The following SLC45A4 variants were observed in gnomAD, a reference collection of about 807,000 sequenced individuals.
SLC45A4 encodes the protein solute carrier family 45 member 4, also known as polyamine-transporter SLC45A4.
Under a neutral mutation model 63.7 loss-of-function variants are expected in SLC45A4, and 32 were observed. The observed-to-expected ratio is 0.50, with a 90% CI of 0.38 to 0.67. The LOEUF (loss-of-function observed/expected upper bound fraction) is 0.67, where lower values mean the gene tolerates loss of function less well. SLC45A4 is among the 30% of genes least tolerant of loss of function. The pLI, the probability that SLC45A4 is intolerant of heterozygous loss-of-function variation, is 0.00. For missense variants in SLC45A4, 1,027 were observed against 1,157.7 expected (o/e 0.89, Z 1.64); for synonymous variants, 535 against 510.0 (o/e 1.05, Z -0.66).
intron 2 of SLC45A4, among the ~76,000 whole-genome samples, chr8:141,240,200 G>T (rs746643725): frequency 2.4e-4 from 37 of 152,336 alleles, no homozygotes; most frequent in Middle Eastern, 3.4e-3. Flanking sequence ...TAAATCTGCA[G>T]ACGTCACTTA....
intron 2 of SLC45A4, among the ~76,000 whole-genome samples, chr8:141,244,954 G>T (rs1415927822): frequency 9.2e-5 from 8 of 87,414 alleles, no homozygotes; most frequent in African/African-American, 2.1e-4. Flanking sequence ...AAGAAGACGT[G>T]GGTGGGGGGG....
intron 1 of SLC45A4, among the ~76,000 whole-genome samples, chr8:141,302,482 C>T (rs7009599): frequency 0.12 from 17,413 of 148,914 alleles, 1,595 homozygotes; most frequent in East Asian, 0.44. Flanking sequence ...TATAGGCGTG[C>T]ACCACCACAC....
At chr8:141,222,465 C>A (rs956429381) in intron 2 of SLC45A4, among the ~76,000 whole-genome samples, 2 of 151,664 alleles carry the variant, frequency 1.3e-5, no homozygotes, top group African/African-American at 4.9e-5. Context: ...AAATATGGTG[C>A]CTATTGCAGA....
At chr8:141,302,490 C>T (rs1216354829) in intron 1 of SLC45A4, among the ~76,000 whole-genome samples, 1 of 151,750 alleles carries the variant, frequency 6.6e-6, no homozygotes, top group Non-Finnish European at 1.5e-5. Context: ...TGCACCACCA[C>T]ACTTGGCTAA....
Position 141,212,142 on chromosome 8 carries a change from G to GCCCCCCCCCCC in SLC45A4, c.2301+54_2301+55insGGGGGGGGGGG. 8 of 491,698 alleles carry GCCCCCCCCCCC rather than the reference G, an allele frequency of 1.6e-5. 2 individuals carry two copies. In the South Asian group the frequency reaches 4.1e-4, roughly 25 times the overall value. The allele number at this position is 491,698 out of a possible 1,614,324, so 30.5% of individuals were successfully genotyped here. On this transcript the variant is annotated intron_variant, in intron 8 of 8. Transcript: ENST00000517878. ...CGCCCATGGCCTGGCCCCGCCGCCC[G>GCCCCCCCCCCC]CCCGCCCGCCCACCCGCCCACTGGA... is the stretch of plus-strand genomic sequence containing the variant.
rs112102122 is a variant in SLC45A4 at position 141,255,819 on chromosome 8, G to A, written c.-400-1190C>T. On this transcript the variant is annotated intron_variant, in intron 1 of 8. Coordinates refer to ENST00000517878, the MANE Select transcript of SLC45A4 (RefSeq NM_001286646.2). ...AGCATAGCATGATTCTCTGTCCGGG[G>A]GGAGTTCGAAGTCTACCCAAAGGCA... 9.9e-4 allele frequency among the ~76,000 whole-genome samples: 151 copies of A among 152,272 alleles called. 1 individual carries two copies. Among genetic ancestry groups the A allele is most frequent in the African/African-American group, 3.5e-3 (147 of 41,542 alleles).
At chr8:141,275,172 G>A (rs569656714) in intron 1 of SLC45A4, among the ~76,000 whole-genome samples, 2 of 152,292 alleles carry the variant, frequency 1.3e-5, no homozygotes, top group East Asian at 3.9e-4. Context: ...TTTCTGTGAC[G>A]AGGAAAGTCA....
Position 141,254,974 on chromosome 8 carries a change from G to A in SLC45A4, c.-400-345C>T, listed in dbSNP as rs1330724601. Among the ~76,000 whole-genome samples the A allele has an allele frequency of 6.6e-6, 1 of 152,222 alleles. No individual in the cohort carries two copies. The highest frequency in any genetic ancestry group is 2.4e-5 in the African/African-American group (1 of 41,438). On this transcript the variant is annotated intron_variant, in intron 1 of 8. Coordinates refer to ENST00000517878, the MANE Select transcript of SLC45A4 (RefSeq NM_001286646.2). This position sits in a 1 kb window ranked among gnomAD's most constrained non-coding sequence, Gnocchi z 4.5. ...CCACAGCACGTAACTATTCCAGCAG[G>A]CTGGAGGCAGCTGGCGACACCCTTT...
intron 1 of SLC45A4, among the ~76,000 whole-genome samples, chr8:141,259,881 G>A (rs567978471): frequency 2.0e-5 from 3 of 152,304 alleles, no homozygotes; most frequent in East Asian, 1.9e-4. Context: ...CAAATGAAGC[G>A]AATGAATGAA....
At chr8:141,273,408 G>T (rs1481209007) in intron 1 of SLC45A4, among the ~76,000 whole-genome samples, 1 of 152,164 alleles carries the variant, frequency 6.6e-6, no homozygotes, top group African/African-American at 2.4e-5. Flanking sequence ...AAAATCAAGC[G>T]CCAGTATCAA....
intron 2 of SLC45A4, chr8:141,228,340 C>T: frequency 6.3e-7 from 1 of 1,587,846 alleles, no homozygotes; most frequent in Non-Finnish European, 8.6e-7. Context: ...TTCTCCTCTT[C>T]AACAAGGAGG....
intron 2 of SLC45A4, among the ~76,000 whole-genome samples, chr8:141,231,471 G>A (rs1827345573): frequency 6.6e-6 from 1 of 152,240 alleles, no homozygotes; most frequent in African/African-American, 2.4e-5. Flanking sequence ...ACCACTGGAT[G>A]AAGAGGGCAC....
At position 141,218,038 on chromosome 8, in the gene SLC45A4, G is replaced by A; in HGVS notation, c.1602C>T (p.Gly534=). The change falls in exon 5 of 9, where the codon GGC becomes GGT. Residue 534 remains glycine, a synonymous_variant. Coordinates refer to ENST00000517878, the MANE Select transcript of SLC45A4 (RefSeq NM_001286646.2). ...TGGGGTCGCCTTCGAAGATGACCTGGCCCATGAAGTCGGTGTAGAACACGG... is the reference window on the plus strand; with the variant it reads ...TGGGGTCGCCTTCGAAGATGACCTGACCCATGAAGTCGGTGTAGAACACGG... ...AEAVFYTDFM[G]QVIFEGDPKA... 6.2e-7 allele frequency: 1 copy of A among 1,610,180 alleles called. No homozygotes were observed. The highest frequency in any genetic ancestry group is 8.5e-7 in the Non-Finnish European group (1 of 1,178,426).
intron 1 of SLC45A4, among the ~76,000 whole-genome samples, chr8:141,255,108 T>C (rs1301192396): frequency 6.6e-6 from 1 of 152,158 alleles, no homozygotes; most frequent in African/African-American, 2.4e-5. Flanking sequence ...GTTTAATTTG[T>C]TAGTGACAAG....
In SLC45A4 at chr8:141,219,765, C is replaced by G. The variant is rs1283993377; in HGVS notation, c.495G>C (p.Val165=). Residue 165 remains valine (V), a synonymous_variant, in exon 4 of 9, where the codon GTG becomes GTC. Transcript: ENST00000517878. The part of the protein sequence containing the change: ...PIGIVLTVLG[V]VVLDFSADAT... ...CATCGGCGCTGAAGTCCAGGACCACCACTCCCAGCACCGTGAGCACGATGC... is the reference window on the plus strand; with the variant it reads ...CATCGGCGCTGAAGTCCAGGACCACGACTCCCAGCACCGTGAGCACGATGC... 2 of 1,600,416 alleles carry G rather than the reference C, an allele frequency of 1.2e-6. No individual in the cohort carries two copies. Among genetic ancestry groups the G allele is most frequent in the Non-Finnish European group, 1.7e-6 (2 of 1,174,074 alleles).
At chr8:141,246,107 A>G (rs762486180) in intron 2 of SLC45A4, among the ~76,000 whole-genome samples, 2 of 152,250 alleles carry the variant, frequency 1.3e-5, no homozygotes, top group Non-Finnish European at 2.9e-5. Context: ...ATATTTATCA[A>G]TACAAACATG....
intron 1 of SLC45A4, among the ~76,000 whole-genome samples, chr8:141,301,734 C>CAAAAAAAAAAAAAAAAAAAAAAAAAAAAA (rs564016568): frequency 2.5e-5 from 1 of 39,564 alleles, no homozygotes; most frequent in Non-Finnish European, 5.0e-5. Context: ...GACCCTATCT[C>CAAAAAAAAAAAAAAAAAAAAAAAAAAAAA]AAAAAAAAAA....
chr8:141,306,762 C>T (rs915749264), intron 1 of SLC45A4, among the ~76,000 whole-genome samples: 1 of 152,340 alleles, frequency 6.6e-6, no homozygotes, highest in East Asian at 1.9e-4. Flanking sequence ...AAGCGCAGGG[C>T]GCTCTCAGTA....
At chr8:141,250,551 A>G (rs1828414186) in intron 2 of SLC45A4, among the ~76,000 whole-genome samples, 1 of 152,122 alleles carries the variant, frequency 6.6e-6, no homozygotes, top group African/African-American at 2.4e-5. Flanking sequence ...ACATCCAGCT[A>G]ATTTTTTATT....
Sources: gnomAD v4.1 joint callset for allele counts (sites outside exome capture counted in the v4.1 genomes callset) on GRCh38, gnomAD v4.1.1 for gene constraint, Gnocchi (gnomAD v3.1) non-coding constraint, MANE v1.5 for transcripts, NCBI Gene and HGNC (gene_info 2026-07-23, HGNC 2026-07-21) for gene names.